The following CASP8 variants were observed in gnomAD, a reference collection of about 807,000 sequenced individuals.
CASP8 encodes caspase-8.
CASP8 carries 24 observed loss-of-function variants against 46.3 expected under a neutral mutation model. The observed-to-expected ratio is 0.52, with a 90% CI of 0.38 to 0.73. CASP8 has a LOEUF of 0.73. Among genes scored for constraint, CASP8 ranks in the 30% least tolerant of loss-of-function variants. CASP8 has a pLI of 0.00. For synonymous variants in CASP8, 188 were observed against 200.4 expected (o/e 0.94, Z 0.52); for missense variants, 460 against 559.0 (o/e 0.82, Z 1.79).
chr2:201,253,293 CTTTTTTTTT>C (rs34341476), intron 2 of CASP8, among the ~76,000 whole-genome samples: 9 of 67,954 alleles, frequency 1.3e-4, no homozygotes, highest in Admixed American at 2.8e-4. Context: ...CTAGCCTGAT[CTTTTTTTTT>C]TTTTTTTTTT....
chr2:201,246,529 G>T (rs1205450204), intron 2 of CASP8, among the ~76,000 whole-genome samples: 1 of 152,162 alleles, frequency 6.6e-6, no homozygotes, highest in African/African-American at 2.4e-5. Flanking sequence ...CAAATGTTTG[G>T]ACAGAAAGTG....
intron 2 of CASP8, among the ~76,000 whole-genome samples, chr2:201,267,402 A>C (rs1013557135): frequency 6.6e-6 from 1 of 151,926 alleles, no homozygotes; most frequent in Non-Finnish European, 1.5e-5. Flanking sequence ...TAAGTTCTTT[A>C]CGGAGCTGTA....
At chr2:201,236,880 A>G (rs1411644797) in intron 2 of CASP8, among the ~76,000 whole-genome samples, 21 of 152,208 alleles carry the variant, frequency 1.4e-4, no homozygotes, top group Admixed American at 1.4e-3. Flanking sequence ...TGCCGAGATG[A>G]CAGGCGTGGG....
chr2:201,247,625 T>C (rs1946589214), intron 2 of CASP8, among the ~76,000 whole-genome samples: 1 of 149,104 alleles, frequency 6.7e-6, no homozygotes, highest in South Asian at 2.2e-4. Context: ...ACTACAAGCG[T>C]GTGCCACCAT....
In CASP8 at chr2:201,281,766, C is replaced by T. The variant is rs1407350965; in HGVS notation, c.803-3050C>T. 4.0e-6 allele frequency: 4 copies of T among 1,003,356 alleles called. No individual in the cohort carries two copies. In the Admixed American group the frequency reaches 6.7e-5, roughly 17 times the overall value. 62.2% of individuals were successfully genotyped at this position (1,003,356 alleles called of 1,614,324 possible). A position where few individuals can be genotyped will look rare whatever the true frequency, so the allele number is the denominator to read the frequency against. ...TAAGCCTAAATGATAGCTTACCCAT[C>T]TTGTAAACTAGTTTACTAGAGAAAA... is the stretch of plus-strand genomic sequence containing the variant. On this transcript the variant is annotated intron_variant, in intron 7 of 8. Coordinates refer to ENST00000673742, the MANE Select transcript of CASP8 (RefSeq NM_001372051.1).
intron 5 of CASP8, among the ~76,000 whole-genome samples, chr2:201,273,923 C>G (rs1948461577): frequency 6.6e-6 from 1 of 152,176 alleles, no homozygotes; most frequent in East Asian, 1.9e-4. Flanking sequence ...CATCCACCTA[C>G]CTGGGCCTCC....
intron 2 of CASP8, among the ~76,000 whole-genome samples, chr2:201,248,257 TGTGGGTGGATCGA>T (rs1177281179): frequency 1.3e-5 from 2 of 152,146 alleles, no homozygotes; most frequent in Non-Finnish European, 2.9e-5. Context: ...AACCACGACC[TGTGGGTGGATCGA>T]GTGCAGGGGT....
intron 8 of CASP8, 118 bp downstream of exon 8, chr2:201,285,435 A>T: frequency 1.6e-6 from 2 of 1,268,550 alleles, no homozygotes; most frequent in East Asian, 2.3e-5. Context: ...TTTAGATCAC[A>T]TTAACAGGTC....
rs748496634 is a variant in CASP8 at position 201,287,532 on chromosome 2, C to T, written c.*938C>T. ...TTATTGCTTTTATGATATATATATG[C>T]TTGGCTAACTATATTTGCTTTTTGC... On this transcript the variant is annotated 3_prime_UTR_variant, in exon 9 of 9. Coordinates refer to ENST00000673742, the MANE Select transcript of CASP8 (RefSeq NM_001372051.1). 1.3e-5 allele frequency: 2 copies of T among 153,510 alleles called. No individual in the cohort carries two copies. Among genetic ancestry groups the T allele is most frequent in the Non-Finnish European group, 2.9e-5 (2 of 68,064 alleles). 9.5% of individuals were successfully genotyped at this position (153,510 alleles called of 1,614,324 possible).
intron 1 of CASP8, chr2:201,262,220 T>C (rs1947470468): frequency 6.6e-6 from 1 of 152,188 alleles, no homozygotes; most frequent in South Asian, 2.1e-4. Flanking sequence ...TACTAGCTTA[T>C]TTCCAAGCCG....
chr2:201,234,345 C>G (rs1294008657), intron 2 of CASP8, among the ~76,000 whole-genome samples: 1 of 152,192 alleles, frequency 6.6e-6, no homozygotes, highest in African/African-American at 2.4e-5. Flanking sequence ...CATTGTCTTC[C>G]TATAGTGCGG....
intron 2 of CASP8, among the ~76,000 whole-genome samples, chr2:201,252,521 G>T (rs1322563456): frequency 6.6e-6 from 1 of 152,126 alleles, no homozygotes; most frequent in Non-Finnish European, 1.5e-5. Context: ...TGATCCACCA[G>T]TATGGTTGAG....
chr2:201,253,813 C>T (rs921412367), intron 2 of CASP8, among the ~76,000 whole-genome samples: 8 of 152,024 alleles, frequency 5.3e-5, no homozygotes, highest in African/African-American at 1.4e-4. Context: ...CCAGGCGCAG[C>T]GGCTCACAGC....
intron 2 of CASP8, among the ~76,000 whole-genome samples, chr2:201,245,791 G>A (rs927411979): frequency 2.0e-5 from 3 of 152,062 alleles, no homozygotes; most frequent in Non-Finnish European, 4.4e-5. Flanking sequence ...CTGGGCTTCC[G>A]CTTTGCTGCC....
At chr2:201,245,135 A>G (rs1291650227) in intron 2 of CASP8, among the ~76,000 whole-genome samples, 1 of 152,224 alleles carries the variant, frequency 6.6e-6, no homozygotes, top group Non-Finnish European at 1.5e-5. Context: ...GGCTTGGGCC[A>G]CAAATCTGGG....
chr2:201,284,798 TC>T lies in CASP8; in HGVS notation c.803-17del. ...AATTACTGTGGTATAACGTGACTGT[TC>T]AAATTTCACTTTTCAGGGGCTTTGA... On this transcript the variant is annotated splice_polypyrimidine_tract_variant and intron_variant, in intron 7 of 8. Coordinates refer to ENST00000673742, the MANE Select transcript of CASP8 (RefSeq NM_001372051.1). The T allele has an allele frequency of 6.3e-7, 1 of 1,595,316 alleles. No homozygotes were observed. The highest frequency in any genetic ancestry group is 8.5e-7 in the Non-Finnish European group (1 of 1,172,818).
In CASP8 at chr2:201,253,370, G is replaced by A. The variant is rs1335715779; in HGVS notation, c.-26-13091G>A. Among the ~76,000 whole-genome samples, 5 of 135,130 alleles carry A rather than the reference G, an allele frequency of 3.7e-5. No homozygotes were observed. In the East Asian group the frequency reaches 1.1e-3, roughly 30 times the overall value. The allele number at this position is 135,130 out of a possible 152,430, so 88.7% of individuals were successfully genotyped here. ...TATGTAGGTTACAGTAGCTATGTAG[G>A]CCCTTCAGAGTCACTTCACTTTTCT... On this transcript the variant is annotated intron_variant, in intron 2 of 6. Coordinates refer to the CASP8 transcript ENST00000264274.
chr2:201,281,695 TC>T, intron 7 of CASP8: 1 of 431,720 alleles, frequency 2.3e-6, no homozygotes, highest in Non-Finnish European at 4.1e-6. Flanking sequence ...TTTGTTTTTT[TC>T]TGATTATGTA....
chr2:201,283,223 G>A (rs1949250639), intron 7 of CASP8, among the ~76,000 whole-genome samples: 2 of 78,452 alleles, frequency 2.5e-5, no homozygotes, highest in Admixed American at 2.0e-4. Flanking sequence ...GCGGGGGGCT[G>A]ACCCCCCACC....
Sources: gnomAD v4.1 joint callset for allele counts (sites outside exome capture counted in the v4.1 genomes callset) on GRCh38, gnomAD v4.1.1 for gene constraint, MANE v1.5 for transcripts, NCBI Gene and HGNC (gene_info 2026-07-23, HGNC 2026-07-21) for gene names.